Variants in CLSTN2 observed in about 807,000 individuals in gnomAD.
CLSTN2 encodes the protein calsyntenin 2.
A neutral mutation model predicts 101.2 loss-of-function variants in CLSTN2; 48 were observed. The ratio of observed to expected loss-of-function variants is 0.47; its 90% CI spans 0.38 to 0.60. The LOEUF (loss-of-function observed/expected upper bound fraction) is 0.60, where lower values mean the gene tolerates loss of function less well. Ranked by LOEUF, CLSTN2 falls within the 20% of genes least tolerant of loss-of-function variation. The pLI, the probability that CLSTN2 is intolerant of heterozygous loss-of-function variation, is 0.00. For missense variants in CLSTN2, 1,160 were observed against 1,238.2 expected, an observed-to-expected ratio of 0.94 and a Z score of 0.95; for synonymous variants, 481 against 463.6, an observed-to-expected ratio of 1.04 and a Z score of -0.48.
intron 2 of CLSTN2, among the ~76,000 whole-genome samples, chr3:140,256,692 T>G (rs1318841785): frequency 2.0e-5 from 3 of 152,240 alleles, no homozygotes; most frequent in Non-Finnish European, 4.4e-5. Context: ...TGGTACTTCC[T>G]TTTTGAACTG....
At chr3:140,389,347 T>A (rs1366436355) in intron 2 of CLSTN2, among the ~76,000 whole-genome samples, 2 of 152,182 alleles carry the variant, frequency 1.3e-5, no homozygotes, top group East Asian at 3.9e-4. Context: ...GTCCATGTGT[T>A]CTCATTGTTC....
intron 8 of CLSTN2, among the ~76,000 whole-genome samples, chr3:140,529,725 T>C (rs775279979): frequency 6.6e-6 from 1 of 152,200 alleles, no homozygotes; most frequent in African/African-American, 2.4e-5. Flanking sequence ...AAAGATTGTT[T>C]AGACGCCCAA....
At position 140,404,747 on chromosome 3, in the gene CLSTN2, T is replaced by G; in HGVS notation, c.618T>G (p.Pro206=). 6.2e-7 allele frequency: 1 copy of G among 1,614,086 alleles called. No individual in the cohort carries two copies. The highest frequency in any genetic ancestry group is 8.5e-7 in the Non-Finnish European group (1 of 1,179,962). Residue 206 remains proline (P), a synonymous_variant, in exon 4 of 17, where the codon CCT becomes CCG. Coordinates refer to ENST00000458420, the MANE Select transcript of CLSTN2 (RefSeq NM_022131.3). Reference sequence around the variant, plus strand: ...ATGAAATCGTCACCACAGATGTGCCTTTTGCCATCGACAGAAATGGTGAGT... The same window carrying G: ...ATGAAATCGTCACCACAGATGTGCCGTTTGCCATCGACAGAAATGGTGAGT... ...CNYEIVTTDV[P]FAIDRNGNIR...
chr3:140,544,043 G>C (rs76038171), intron 9 of CLSTN2, among the ~76,000 whole-genome samples: 13,183 of 152,228 alleles, frequency 0.087, 702 homozygotes, highest in Non-Finnish European at 0.12. Flanking sequence ...GAGTGAGATG[G>C]ATATTGGAAA....
At chr3:140,131,046 A>G (rs1397552739) in intron 1 of CLSTN2, among the ~76,000 whole-genome samples, 1 of 152,122 alleles carries the variant, frequency 6.6e-6, no homozygotes, top group Non-Finnish European at 1.5e-5. Context: ...AAGATTGAAG[A>G]TGATCCTTCA....
At chr3:140,452,169 C>T (rs945651856) in intron 6 of CLSTN2, among the ~76,000 whole-genome samples, 2 of 152,120 alleles carry the variant, frequency 1.3e-5, no homozygotes, top group African/African-American at 4.8e-5. Context: ...CTGTGGTATA[C>T]CCTGGTGTGG....
chr3:140,345,465 G>T (rs1448541007), intron 2 of CLSTN2, among the ~76,000 whole-genome samples: 1 of 151,794 alleles, frequency 6.6e-6, no homozygotes, highest in East Asian at 1.9e-4. Flanking sequence ...GACCAGGCTG[G>T]TCTCGAACTC....
chr3:140,282,135 C>A (rs553773616), intron 2 of CLSTN2, among the ~76,000 whole-genome samples: 1 of 152,286 alleles, frequency 6.6e-6, no homozygotes, highest in East Asian at 1.9e-4. Context: ...CACTATGTCT[C>A]TGCTTACACT....
intron 1 of CLSTN2, among the ~76,000 whole-genome samples, chr3:140,174,161 A>G (rs2010285507): frequency 6.6e-6 from 1 of 152,128 alleles, no homozygotes; most frequent in South Asian, 2.1e-4. Flanking sequence ...GCTGCTTAGA[A>G]ATTTCTTCCA....
chr3:140,122,449 C>T (rs1390249210), intron 1 of CLSTN2, among the ~76,000 whole-genome samples: 1 of 152,186 alleles, frequency 6.6e-6, no homozygotes, highest in Non-Finnish European at 1.5e-5. Context: ...TTAGCTAAAT[C>T]ATGGACTCCT....
chr3:140,299,987 G>A (rs2087042975), intron 2 of CLSTN2, among the ~76,000 whole-genome samples: 1 of 152,168 alleles, frequency 6.6e-6, no homozygotes, highest in Non-Finnish European at 1.5e-5. Context: ...CTTGCCTTTT[G>A]ATGAAAAGAA....
At chr3:139,984,702 A>C (rs767072471) in intron 1 of CLSTN2, among the ~76,000 whole-genome samples, 3 of 152,206 alleles carry the variant, frequency 2.0e-5, no homozygotes, top group Middle Eastern at 3.4e-3. Context: ...CTCTGCTTAC[A>C]TGACTCCCTA....
chr3:140,299,190 T>A (rs1049454104), intron 2 of CLSTN2, among the ~76,000 whole-genome samples: 1 of 152,096 alleles, frequency 6.6e-6, no homozygotes, highest in Non-Finnish European at 1.5e-5. Flanking sequence ...GTGGCCCAAA[T>A]GAATGGGAAC....
chr3:140,563,192 A>G lies in CLSTN2; in HGVS notation c.2471A>G (p.Gln824Arg). The G allele has an allele frequency of 6.2e-7, 1 of 1,614,018 alleles. No individual in the cohort carries two copies. The highest frequency in any genetic ancestry group is 8.5e-7 in the Non-Finnish European group (1 of 1,179,966). Residue 824 changes from glutamine (Q) to arginine (R), a missense_variant, in exon 15 of 17, where the codon CAG becomes CGG. Gln to Arg is a conservative substitution (Grantham distance 43, BLOSUM62 1). Coordinates refer to ENST00000458420, the MANE Select transcript of CLSTN2 (RefSeq NM_022131.3). ...VHHPESRSSI[Q>R]HSSVVPSIAT... ...CATCCTGAGTCCCGGAGTAGCATCC[A>G]GCACAGTTCAGGTAGGGTGCCCAAG...
intron 2 of CLSTN2, among the ~76,000 whole-genome samples, chr3:140,344,208 C>A (rs1369907402): frequency 1.3e-5 from 2 of 152,154 alleles, no homozygotes; most frequent in East Asian, 3.8e-4. Context: ...GGAGTTTAGG[C>A]TGAGCTCAGT....
chr3:140,372,957 T>C (rs1360114609), intron 2 of CLSTN2, among the ~76,000 whole-genome samples: 1 of 152,190 alleles, frequency 6.6e-6, no homozygotes, highest in East Asian at 1.9e-4. Context: ...TAGTCCTAGC[T>C]ACTCAGCAGA....
At chr3:139,976,486 G>A (rs1935820843) in intron 1 of CLSTN2, among the ~76,000 whole-genome samples, 1 of 152,204 alleles carries the variant, frequency 6.6e-6, no homozygotes, top group African/African-American at 2.4e-5. Flanking sequence ...ACGGATGAGG[G>A]AAACTGAGGC....
At chr3:140,047,356 T>G (rs1456554612) in intron 1 of CLSTN2, among the ~76,000 whole-genome samples, 1 of 152,216 alleles carries the variant, frequency 6.6e-6, no homozygotes, top group African/African-American at 2.4e-5. Flanking sequence ...ATATATGGCC[T>G]TACAACTTTC....
intron 8 of CLSTN2, among the ~76,000 whole-genome samples, chr3:140,486,827 G>C (rs1352503527): frequency 6.6e-6 from 1 of 152,214 alleles, no homozygotes; most frequent in African/African-American, 2.4e-5. Flanking sequence ...CCCTGAATTG[G>C]AAGTTGGGCA....
Sources: allele counts gnomAD v4.1 joint callset (sites outside exome capture counted in the v4.1 genomes callset), GRCh38; gene constraint gnomAD v4.1.1; transcripts MANE v1.5; gene names NCBI Gene and HGNC (gene_info 2026-07-23, HGNC 2026-07-21).